Variants in TBC1D5 observed in about 807,000 individuals in gnomAD.
The protein encoded by TBC1D5 is TBC1 domain family member 5, also known as TBC1 domain family, member 5.
TBC1D5 carries 75 observed loss-of-function variants against 100.3 expected under a neutral mutation model. The observed-to-expected ratio is 0.75, with a 90% CI of 0.62 to 0.91. TBC1D5 has a LOEUF of 0.91. Among genes scored for constraint, TBC1D5 ranks in the 40% least tolerant of loss-of-function variants. The pLI is 0.00. For synonymous variants in TBC1D5, 323 were observed against 325.6 expected (o/e 0.99, Z 0.09); for missense variants, 910 against 942.4 (o/e 0.97, Z 0.45).
intron 3 of TBC1D5, among the ~76,000 whole-genome samples, chr3:17,450,011 T>C (rs1576029412): frequency 6.6e-6 from 1 of 152,098 alleles, no homozygotes; most frequent in Non-Finnish European, 1.5e-5. Flanking sequence ...GATGCCCCTC[T>C]GGGATGAAGT....
intron 15 of TBC1D5, among the ~76,000 whole-genome samples, chr3:17,283,803 G>C (rs1166917343): frequency 6.6e-6 from 1 of 151,904 alleles, no homozygotes; most frequent in Non-Finnish European, 1.5e-5. Context: ...CAAACTAATA[G>C]CAAGCCCTCC....
intron 1 of TBC1D5, among the ~76,000 whole-genome samples, chr3:17,718,241 T>C (rs4243838): frequency 0.57 from 86,918 of 152,080 alleles, 25,666 homozygotes; most frequent in East Asian, 0.99. Context: ...TCTTGGGGAT[T>C]ATTGTTATGA....
At chr3:17,497,153 G>C (rs1227420639) in intron 3 of TBC1D5, among the ~76,000 whole-genome samples, 1 of 145,906 alleles carries the variant, frequency 6.9e-6, no homozygotes, top group African/African-American at 2.5e-5. Context: ...TTGTATATCT[G>C]CATATCTGGC....
intron 15 of TBC1D5, among the ~76,000 whole-genome samples, chr3:17,273,412 C>G (rs1432395063): frequency 3.3e-5 from 5 of 152,162 alleles, no homozygotes; most frequent in Admixed American, 2.0e-4. Flanking sequence ...GTCTGTAATT[C>G]TGGTCCAGAT....
exon 22 of TBC1D5, chr3:17,158,553 C>G (rs2065780432): frequency 6.6e-6 from 1 of 152,200 alleles, no homozygotes; most frequent in Admixed American, 6.5e-5. Context: ...GAGGCTGGTA[C>G]TACCCATGAC....
intron 3 of TBC1D5, among the ~76,000 whole-genome samples, chr3:17,434,840 T>C (rs967787465): frequency 6.6e-6 from 1 of 152,166 alleles, no homozygotes; most frequent in African/African-American, 2.4e-5. Flanking sequence ...TACATTGTCA[T>C]CCTGCAAATT....
chr3:17,469,107 C>T (rs1225256104), intron 3 of TBC1D5, among the ~76,000 whole-genome samples: 1 of 151,868 alleles, frequency 6.6e-6, no homozygotes, highest in Non-Finnish European at 1.5e-5. Context: ...TACACTCCCA[C>T]AATAGTTCCT....
chr3:17,386,522 G>C (rs1396116250), intron 8 of TBC1D5, among the ~76,000 whole-genome samples: 1 of 152,110 alleles, frequency 6.6e-6, no homozygotes, highest in Non-Finnish European at 1.5e-5. Flanking sequence ...ACTATAACAA[G>C]TGGAGGTGTA....
chr3:17,344,167 C>T (rs900066837), intron 13 of TBC1D5, among the ~76,000 whole-genome samples: 1 of 152,038 alleles, frequency 6.6e-6, no homozygotes, highest in African/African-American at 2.4e-5. Flanking sequence ...CTAGAAAACC[C>T]GATTGTCTCA....
chr3:17,524,111 A>G (rs1455735875), intron 2 of TBC1D5, among the ~76,000 whole-genome samples: 1 of 152,198 alleles, frequency 6.6e-6, no homozygotes, highest in African/African-American at 2.4e-5. Context: ...AAAGAGATGA[A>G]CGAAGGAGAA....
intron 13 of TBC1D5, among the ~76,000 whole-genome samples, chr3:17,340,352 G>A (rs867732454): frequency 8.5e-5 from 13 of 152,254 alleles, no homozygotes; most frequent in Middle Eastern, 3.4e-3. Context: ...CAGTGGGGTC[G>A]GCCTTCAGAC....
In TBC1D5 at chr3:17,518,319, A is replaced by G. The variant is rs145100450; in HGVS notation, c.-35-9714T>C. Reference sequence around the variant, plus strand: ...CACCCTGCCCCTTCATCCTGTGCCTATAATATAGGACACCCAGGACTCAGC... The same window carrying G: ...CACCCTGCCCCTTCATCCTGTGCCTGTAATATAGGACACCCAGGACTCAGC... On this transcript the variant is annotated intron_variant, in intron 2 of 21. Coordinates refer to ENST00000253692, the Ensembl canonical transcript of TBC1D5. 3.7e-3 allele frequency among the ~76,000 whole-genome samples: 556 copies of G among 152,250 alleles called. 4 individuals carry two copies. Among genetic ancestry groups the G allele is most frequent in the African/African-American group, 0.012 (518 of 41,544 alleles).
chr3:17,618,220 C>T (rs939936585), intron 2 of TBC1D5, among the ~76,000 whole-genome samples: 2 of 152,142 alleles, frequency 1.3e-5, no homozygotes, highest in African/African-American at 2.4e-5. Flanking sequence ...TGGGTATCAC[C>T]AGTGGAGGCT....
intron 2 of TBC1D5, among the ~76,000 whole-genome samples, chr3:17,566,147 C>T (rs1457295794): frequency 6.6e-6 from 1 of 151,864 alleles, no homozygotes; most frequent in African/African-American, 2.4e-5. Context: ...CATAGATAAG[C>T]TTAAGTGCTT....
At chr3:17,276,013 C>G (rs901972675) in intron 15 of TBC1D5, among the ~76,000 whole-genome samples, 1 of 152,126 alleles carries the variant, frequency 6.6e-6, no homozygotes, top group Non-Finnish European at 1.5e-5. Context: ...TGTAAGTGAT[C>G]TGATAATGAT....
chr3:17,309,579 T>C (rs114406354), intron 13 of TBC1D5, among the ~76,000 whole-genome samples: 1 of 152,202 alleles, frequency 6.6e-6, no homozygotes, highest in African/African-American at 2.4e-5. Flanking sequence ...ATTAATAAAA[T>C]GAGGGGTGAT....
intron 8 of TBC1D5, among the ~76,000 whole-genome samples, chr3:17,393,861 C>T (rs1185968667): frequency 6.6e-6 from 1 of 152,060 alleles, no homozygotes; most frequent in Non-Finnish European, 1.5e-5. Flanking sequence ...GACCTAAAAC[C>T]ATAAAAACCC....
At chr3:17,297,223 T>C (rs915267774) in intron 14 of TBC1D5, among the ~76,000 whole-genome samples, 102 of 152,198 alleles carry the variant, frequency 6.7e-4, no homozygotes, top group Non-Finnish European at 1.6e-4. Flanking sequence ...GCTTCTGTTT[T>C]CTCCACCTTC....
chr3:17,690,647 C>T (rs1420328265), intron 1 of TBC1D5, among the ~76,000 whole-genome samples: 4 of 152,206 alleles, frequency 2.6e-5, no homozygotes, highest in African/African-American at 4.8e-5. Context: ...CCTGTCAGAA[C>T]AGCAGTGGCA....
Sources: gnomAD v4.1 joint callset for allele counts (sites outside exome capture counted in the v4.1 genomes callset) on GRCh38, gnomAD v4.1.1 for gene constraint, MANE v1.5 for transcripts, NCBI Gene and HGNC (gene_info 2026-07-23, HGNC 2026-07-21) for gene names.